PTPN2: variants seen among roughly 807,000 people sequenced by gnomAD.
The protein encoded by PTPN2 is tyrosine-protein phosphatase non-receptor type 2.
In PTPN2, 19 loss-of-function variants were observed where a neutral mutation model predicts 57.3. The observed-to-expected ratio is 0.33, with a 90% CI of 0.23 to 0.49. The LOEUF is 0.49. Ranked by LOEUF, PTPN2 falls within the 20% of genes least tolerant of loss-of-function variation. PTPN2 has a pLI of 0.99. For missense variants in PTPN2, 358 were observed against 501.1 expected, an observed-to-expected ratio of 0.71 and a Z score of 2.73; for synonymous variants, 153 against 164.9, an observed-to-expected ratio of 0.93 and a Z score of 0.55.
chr18:12,838,622 C>A (rs1260629563), intron 2 of PTPN2, among the ~76,000 whole-genome samples: 1 of 152,136 alleles, frequency 6.6e-6, no homozygotes, highest in Admixed American at 6.5e-5. Flanking sequence ...TGGCAGTGGC[C>A]TCGCTTCCTG....
At chr18:12,870,413 A>G (rs997951561) in intron 1 of PTPN2, among the ~76,000 whole-genome samples, 7 of 79,190 alleles carry the variant, frequency 8.8e-5, no homozygotes, top group Non-Finnish European at 1.1e-4. Context: ...ACGTATATAT[A>G]TGTATATATA....
chr18:12,850,511 T>C (rs2043356011), intron 2 of PTPN2, among the ~76,000 whole-genome samples: 1 of 151,930 alleles, frequency 6.6e-6, no homozygotes, highest in South Asian at 2.1e-4. Flanking sequence ...TAAAATATAA[T>C]ATAAATATTT....
chr18:12,848,454 A>C (rs1451323296), intron 2 of PTPN2, among the ~76,000 whole-genome samples: 1 of 152,242 alleles, frequency 6.6e-6, no homozygotes, highest in Non-Finnish European at 1.5e-5. Context: ...GTTACTTCTC[A>C]AACGGAATGT....
intron 1 of PTPN2, among the ~76,000 whole-genome samples, chr18:12,864,842 T>C (rs1437104934): frequency 1.3e-5 from 2 of 152,190 alleles, no homozygotes; most frequent in Admixed American, 6.6e-5. Flanking sequence ...GATTCTACTA[T>C]AGAAATAATT....
At position 12,808,015 on chromosome 18, in the gene PTPN2, C is replaced by G. The variant is rs534358795; in HGVS notation, c.859-5864G>C. Among the ~76,000 whole-genome samples, 36 of 152,008 alleles carry G rather than the reference C, an allele frequency of 2.4e-4. No individual in the cohort carries two copies. The South Asian group carries it at 7.0e-3, about 30-fold the overall frequency. ...CCTGGGCAACATGGTGAGACCCAGT[C>G]TCTACAAAAATTTAAAAATTAGCCA... On this transcript the variant is annotated intron_variant, in intron 7 of 8. Coordinates refer to ENST00000309660, the MANE Select transcript of PTPN2 (RefSeq NM_002828.4).
intron 2 of PTPN2, among the ~76,000 whole-genome samples, chr18:12,858,640 G>A (rs578377): frequency 0.87 from 131,939 of 152,204 alleles, 58,527 homozygotes; most frequent in Non-Finnish European, 0.96. Flanking sequence ...TCCGTTTAAA[G>A]TACATGTTTA....
intron 8 of PTPN2, among the ~76,000 whole-genome samples, chr18:12,796,216 T>C (rs542477134): frequency 3.3e-5 from 5 of 152,318 alleles, no homozygotes; most frequent in South Asian, 2.1e-4. Context: ...CAACTAAATA[T>C]AGTATCAATC....
chr18:12,870,305 A>G (rs1464768460), intron 1 of PTPN2, among the ~76,000 whole-genome samples: 16 of 86,328 alleles, frequency 1.9e-4, no homozygotes, highest in African/African-American at 9.9e-4. Flanking sequence ...ATATGTGTAT[A>G]TATACATATA....
chr18:12,852,779 T>C (rs1341622570), intron 2 of PTPN2, among the ~76,000 whole-genome samples: 1 of 152,190 alleles, frequency 6.6e-6, no homozygotes, highest in Non-Finnish European at 1.5e-5. Flanking sequence ...AGTGGTGCCA[T>C]AGTGAGTGTA....
At chr18:12,799,411 C>T (rs1056001236) in intron 8 of PTPN2, among the ~76,000 whole-genome samples, 5 of 148,982 alleles carry the variant, frequency 3.4e-5, no homozygotes, top group African/African-American at 7.4e-5. Flanking sequence ...AGCAAGACTC[C>T]GTCTCAGGAA....
intron 2 of PTPN2, among the ~76,000 whole-genome samples, chr18:12,844,232 G>A (rs1043507924): frequency 6.6e-6 from 1 of 152,232 alleles, no homozygotes; most frequent in African/African-American, 2.4e-5. Flanking sequence ...AGATAAAGCT[G>A]CTGTGAATAT....
At chr18:12,795,116 AG>A (rs2041123189) in intron 8 of PTPN2, among the ~76,000 whole-genome samples, 1 of 152,166 alleles carries the variant, frequency 6.6e-6, no homozygotes, top group South Asian at 2.1e-4. Flanking sequence ...TGGGAAGACA[AG>A]GGGGTACCAC....
intron 4 of PTPN2, among the ~76,000 whole-genome samples, chr18:12,827,055 T>C (rs2042492081): frequency 6.6e-6 from 1 of 152,130 alleles, no homozygotes; most frequent in African/African-American, 2.4e-5. Flanking sequence ...TCAAAATAAA[T>C]GTTGCTGGCC....
chr18:12,844,619 T>C lies in PTPN2; in HGVS notation c.161-7728A>G, dbSNP rs112487022. Among the ~76,000 whole-genome samples the C allele has an allele frequency of 6.0e-4, 91 of 152,328 alleles. 1 individual carries two copies. The highest frequency in any genetic ancestry group is 2.0e-3 in the African/African-American group (85 of 41,576). ...TGGGGTTTTTGTTTCTTTTTACTGT[T>C]ACATTTTGAGAGTTCTATATATAGT... is the stretch of plus-strand genomic sequence containing the variant. On this transcript the variant is annotated intron_variant, in intron 2 of 8. Transcript: ENST00000309660.
chr18:12,785,724 A>G, exon 10 of PTPN2: 1 of 1,068,150 alleles, frequency 9.4e-7, no homozygotes, highest in Admixed American at 1.8e-5. Flanking sequence ...CTAGAGGGTT[A>G]GCGAGCCTCA....
Position 12,807,365 on chromosome 18 carries a change from G to A in PTPN2, c.859-5214C>T, listed in dbSNP as rs1338618812. Among the ~76,000 whole-genome samples the A allele has an allele frequency of 4.0e-5, 6 of 151,468 alleles. No homozygotes were observed. In the East Asian group the frequency reaches 7.7e-4, roughly 20 times the overall value. ...ATTAGTACAGCCATCTTGGAAAACA[G>A]CATAAAGGTTCCTTAAAAGATTAAA... On this transcript the variant is annotated intron_variant, in intron 7 of 8. Coordinates refer to ENST00000309660, the MANE Select transcript of PTPN2 (RefSeq NM_002828.4).
chr18:12,798,047 T>C (rs942865595), intron 8 of PTPN2, among the ~76,000 whole-genome samples: 1 of 152,150 alleles, frequency 6.6e-6, no homozygotes, highest in Non-Finnish European at 1.5e-5. Flanking sequence ...TATGTCCAAG[T>C]TGTTTCTCAC....
At chr18:12,799,159 C>G (rs1260042154) in intron 8 of PTPN2, among the ~76,000 whole-genome samples, 1 of 152,124 alleles carries the variant, frequency 6.6e-6, no homozygotes, top group Admixed American at 6.5e-5. Flanking sequence ...TGGCTCATGT[C>G]TGTAATCCCA....
Position 12,796,861 on chromosome 18 carries a change from A to G in PTPN2, c.1041-2376T>C, listed in dbSNP as rs78252026. Reference sequence around the variant, plus strand: ...TACGGCATTTAATTTGAAGTAATTTATAATTTACTAATAATGTGCTAACTT... The same window carrying G: ...TACGGCATTTAATTTGAAGTAATTTGTAATTTACTAATAATGTGCTAACTT... On this transcript the variant is annotated intron_variant, in intron 8 of 8. Coordinates refer to ENST00000309660, the MANE Select transcript of PTPN2 (RefSeq NM_002828.4). Among the ~76,000 whole-genome samples the G allele has an allele frequency of 3.3e-5, 5 of 152,318 alleles. No individual in the cohort carries two copies. The East Asian group carries it at 9.6e-4, about 29-fold the overall frequency.
Sources: gnomAD v4.1 joint callset for allele counts (sites outside exome capture counted in the v4.1 genomes callset) on GRCh38, gnomAD v4.1.1 for gene constraint, MANE v1.5 for transcripts, NCBI Gene and HGNC (gene_info 2026-07-23, HGNC 2026-07-21) for gene names.